Variants in GPC5 observed in about 807,000 individuals in gnomAD.
The protein encoded by GPC5 is glypican-5.
A neutral mutation model predicts 53.9 loss-of-function variants in GPC5; 47 were observed. The observed-to-expected ratio is 0.87, with a 90% CI of 0.69 to 1.11. The LOEUF is 1.11. Among genes scored for constraint, GPC5 ranks in the 50% most tolerant of loss-of-function variants. The probability of loss-of-function intolerance (pLI) is 0.00; values close to 1 mark genes in which losing one functional copy is unlikely to be tolerated. For missense variants in GPC5, 748 were observed against 713.1 expected (o/e 1.05, Z -0.56); for synonymous variants, 286 against 263.3 (o/e 1.09, Z -0.84).
intron 7 of GPC5, among the ~76,000 whole-genome samples, chr13:92,702,988 C>T (rs575893967): frequency 6.4e-4 from 98 of 152,030 alleles, no homozygotes; most frequent in African/African-American, 2.1e-3. Flanking sequence ...AGAGACCTAC[C>T]TATTTTAAAA....
At chr13:92,281,923 A>G (rs1240992547) in intron 7 of GPC5, among the ~76,000 whole-genome samples, 2 of 151,554 alleles carry the variant, frequency 1.3e-5, no homozygotes, top group Non-Finnish European at 3.0e-5. Flanking sequence ...TTGAGAGAAG[A>G]AGGCTTCAGA....
At chr13:91,999,280 A>G (rs948506040) in intron 6 of GPC5, among the ~76,000 whole-genome samples, 1 of 152,096 alleles carries the variant, frequency 6.6e-6, no homozygotes, top group African/African-American at 2.4e-5. Context: ...TTAATCCCAT[A>G]TTGCCTAATT....
chr13:92,596,232 T>C (rs1001492930), intron 7 of GPC5, among the ~76,000 whole-genome samples: 8 of 152,142 alleles, frequency 5.3e-5, no homozygotes, highest in African/African-American at 1.7e-4. Context: ...GACATCCATG[T>C]TCATTTCTCA....
In GPC5 at chr13:91,693,590, C is replaced by G. The variant is rs765643336; in HGVS notation, c.729C>G (p.His243Gln). 17 of 1,614,012 alleles carry G rather than the reference C, an allele frequency of 1.1e-5. No homozygotes were observed. Among genetic ancestry groups the G allele is most frequent in the African/African-American group, 1.3e-5 (1 of 74,928 alleles). Reference sequence around the variant, plus strand: ...TCATCAACACCACAGACTATCTGCACTTCTCCAAAGAGTGCAGCAGAGCCC... The same window carrying G: ...TCATCAACACCACAGACTATCTGCAGTTCTCCAAAGAGTGCAGCAGAGCCC... ...IEVINTTDYL[H>Q]FSKECSRALL... The change falls in exon 3 of 8, where the codon CAC (histidine) becomes CAG (glutamine). Residue 243 changes from histidine to glutamine, a missense_variant. Transcript: ENST00000377067.
intron 6 of GPC5, among the ~76,000 whole-genome samples, chr13:92,065,949 A>T (rs2041163884): frequency 6.6e-6 from 1 of 152,104 alleles, no homozygotes; most frequent in Non-Finnish European, 1.5e-5. Flanking sequence ...TGATCATTTG[A>T]GATAATGGTA....
At chr13:92,803,664 C>T (rs1007986313) in intron 7 of GPC5, among the ~76,000 whole-genome samples, 1 of 151,790 alleles carries the variant, frequency 6.6e-6, no homozygotes, top group Non-Finnish European at 1.5e-5. Context: ...AACTTTTTCT[C>T]AGAGGTTTTA....
intron 7 of GPC5, among the ~76,000 whole-genome samples, chr13:92,265,670 C>T (rs113472853): frequency 0.015 from 2,306 of 152,234 alleles, 71 homozygotes; most frequent in African/African-American, 0.052. Flanking sequence ...TTGCAGCCTG[C>T]TTCTCCAAGC....
intron 7 of GPC5, among the ~76,000 whole-genome samples, chr13:92,543,798 C>T (rs1882010507): frequency 6.6e-6 from 1 of 151,780 alleles, no homozygotes; most frequent in Non-Finnish European, 1.5e-5. Context: ...TGAACTCTTT[C>T]TATATATTTA....
At chr13:91,699,316 T>C (rs2035947317) in intron 3 of GPC5, among the ~76,000 whole-genome samples, 1 of 152,200 alleles carries the variant, frequency 6.6e-6, no homozygotes, top group African/African-American at 2.4e-5. Context: ...TGGACTTGGC[T>C]GCCACAAGGT....
At chr13:91,704,832 A>G (rs952258022) in intron 3 of GPC5, among the ~76,000 whole-genome samples, 1 of 152,162 alleles carries the variant, frequency 6.6e-6, no homozygotes, top group Non-Finnish European at 1.5e-5. Context: ...AAGAAGGAAA[A>G]TCTCTTTCCA....
chr13:92,849,722 T>C (rs1878729089), intron 7 of GPC5, among the ~76,000 whole-genome samples: 2 of 152,128 alleles, frequency 1.3e-5, no homozygotes. Context: ...AAAGTCTAAA[T>C]GAAAGAAAAT....
At chr13:92,565,569 T>G (rs1882837837) in intron 7 of GPC5, among the ~76,000 whole-genome samples, 1 of 152,036 alleles carries the variant, frequency 6.6e-6, no homozygotes. Flanking sequence ...AAATAAAGAG[T>G]TAATAACTTT....
In GPC5 at chr13:92,763,790, G is replaced by A. The variant is rs1310550736; in HGVS notation, c.1562-102492G>A. 1.1e-4 allele frequency among the ~76,000 whole-genome samples: 16 copies of A among 152,296 alleles called. No homozygotes were observed. In the East Asian group the frequency reaches 2.7e-3, roughly 26 times the overall value. On this transcript the variant is annotated intron_variant, in intron 7 of 7. Transcript: ENST00000377067. ...TGTAGCTATGAATATGATCCTGTGG[G>A]AGAAGGACACAGCACTGGCCCAACT...
At chr13:92,775,406 A>G (rs969019493) in intron 7 of GPC5, among the ~76,000 whole-genome samples, 2 of 152,332 alleles carry the variant, frequency 1.3e-5, no homozygotes, top group Non-Finnish European at 2.9e-5. Context: ...TTTTGCTTCA[A>G]ATATGCCAGT....
intron 2 of GPC5, among the ~76,000 whole-genome samples, chr13:91,512,410 T>A (rs1207479551): frequency 3.3e-5 from 5 of 152,220 alleles, no homozygotes; most frequent in African/African-American, 1.2e-4. Context: ...GGGGGATTTT[T>A]TCAGCTTTCC....
intron 2 of GPC5, among the ~76,000 whole-genome samples, chr13:91,497,378 A>G (rs1884331105): frequency 6.6e-6 from 1 of 152,140 alleles, no homozygotes; most frequent in Non-Finnish European, 1.5e-5. Context: ...TGGACTAGCA[A>G]CTTTGTTAAT....
At chr13:91,732,514 C>A (rs1480419466) in intron 4 of GPC5, among the ~76,000 whole-genome samples, 1 of 151,954 alleles carries the variant, frequency 6.6e-6, no homozygotes, top group East Asian at 1.9e-4. Context: ...TGTGCAGAAG[C>A]TTTTTAGTTT....
At chr13:92,704,861 A>AGTGTATACATATATACTCAATGT (rs1887891780) in intron 7 of GPC5, among the ~76,000 whole-genome samples, 2 of 146,286 alleles carry the variant, frequency 1.4e-5, no homozygotes, top group African/African-American at 5.1e-5. Context: ...TAAATATATG[A>AGTGTATACATATATACTCAATGT]GTGTATATAT....
intron 5 of GPC5, among the ~76,000 whole-genome samples, chr13:91,827,374 T>C (rs553209111): frequency 1.3e-5 from 2 of 152,072 alleles, no homozygotes; most frequent in South Asian, 2.1e-4. Flanking sequence ...AAGACACTTA[T>C]AATATGCACA....
Sources: allele counts gnomAD v4.1 joint callset (sites outside exome capture counted in the v4.1 genomes callset), GRCh38; gene constraint gnomAD v4.1.1; transcripts MANE v1.5; gene names NCBI Gene and HGNC (gene_info 2026-07-23, HGNC 2026-07-21).